USP39: variants seen among roughly 807,000 people sequenced by gnomAD.
The protein encoded by USP39 is ubiquitin specific peptidase 39, also known as ubiquitin carboxyl-terminal hydrolase 39.
A neutral mutation model predicts 66.4 loss-of-function variants in USP39; 38 were observed. The ratio of observed to expected loss-of-function variants is 0.57; its 90% CI spans 0.44 to 0.75. The LOEUF is 0.75. Among genes scored for constraint, USP39 ranks in the 30% least tolerant of loss-of-function variants. The probability of loss-of-function intolerance (pLI) is 0.00; values close to 1 mark genes in which losing one functional copy is unlikely to be tolerated. For synonymous variants in USP39, 303 were observed against 274.6 expected, an observed-to-expected ratio of 1.10 and a Z score of -1.02; for missense variants, 608 against 714.4, an observed-to-expected ratio of 0.85 and a Z score of 1.70.
intron 2 of USP39, 114 bp from the exon 3 acceptor site, chr2:85,621,371 A>G (rs370836756): frequency 3.6e-6 from 3 of 829,558 alleles, no homozygotes; most frequent in East Asian, 2.6e-5. Context: ...ATGGTTGTGA[A>G]CTGTTTTCTG....
chr2:85,608,173 G>C (rs918694477), upstream of USP39: 11 of 152,224 alleles, frequency 7.2e-5, no homozygotes, highest in Admixed American at 5.2e-4. Flanking sequence ...AGGTTTTGCT[G>C]TAAGAAATCT....
upstream of USP39, chr2:85,611,824 C>T (rs748090010): frequency 1.2e-6 from 2 of 1,606,982 alleles, no homozygotes; most frequent in Non-Finnish European, 8.5e-7. Flanking sequence ...ACTGTCGGGC[C>T]GGGCCAGGCC....
chr2:85,613,089 G>C (rs1194588451), upstream of USP39, among the ~76,000 whole-genome samples: 3 of 152,078 alleles, frequency 2.0e-5, no homozygotes, highest in Non-Finnish European at 4.4e-5. Context: ...GCTGGATGCA[G>C]TGGCTCATGT....
intron 3 of USP39, 60 bp downstream of exon 3, chr2:85,621,639 T>TA: frequency 1.2e-6 from 1 of 803,376 alleles, no homozygotes; most frequent in Non-Finnish European, 1.9e-6. Context: ...TTTTTTTTTT[T>TA]AAAGAAAGTA....
At position 85,619,437 on chromosome 2, in the gene USP39, A is replaced by G. The variant is rs1674279995; in HGVS notation, c.338+148A>G. On this transcript the variant is annotated intron_variant, in intron 2 of 12. Transcript: ENST00000323701. ...TGTGCTTCTTGCCATGTTACTCCTT[A>G]TTCTTTGATTTAAAGTGTCAGAACA... The G allele has an allele frequency of 5.2e-6, 4 of 767,502 alleles. No individual in the cohort carries two copies. The Admixed American group carries it at 1.1e-4, about 21-fold the overall frequency. The allele number at this position is 767,502 out of a possible 1,614,324, so 47.5% of individuals were successfully genotyped here.
chr2:85,637,976 C>T (rs774142604), intron 8 of USP39, among the ~76,000 whole-genome samples: 1 of 151,920 alleles, frequency 6.6e-6, no homozygotes, highest in Non-Finnish European at 1.5e-5. Context: ...GGATTACAGG[C>T]GTGAGTCACC....
chr2:85,625,195 C>T lies in USP39; in HGVS notation c.571-344C>T, dbSNP rs565576745. On this transcript the variant is annotated intron_variant, in intron 4 of 12. Coordinates refer to ENST00000323701, the MANE Select transcript of USP39 (RefSeq NM_006590.4). ...CCTGCTCCAAAGCTAGGTCCATGTG[C>T]TGCTCCCAGGAGGTTCTATCTGAGA... 1.8e-3 allele frequency among the ~76,000 whole-genome samples: 278 copies of T among 152,292 alleles called. 1 individual carries two copies. The highest frequency in any genetic ancestry group is 1.8e-3 in the Admixed American group (27 of 15,282).
chr2:85,615,168 G>A (rs372671269), upstream of USP39, among the ~76,000 whole-genome samples: 4 of 152,046 alleles, frequency 2.6e-5, no homozygotes, highest in Admixed American at 1.3e-4. Context: ...TAACAGGCTC[G>A]TGCCACCACG....
At chr2:85,620,107 C>G (rs1674344435) in intron 2 of USP39, among the ~76,000 whole-genome samples, 1 of 151,724 alleles carries the variant, frequency 6.6e-6, no homozygotes. Context: ...ATCCACCTGC[C>G]TTGGCCTCCC....
rs550583102 is a variant in USP39 at position 85,623,895 on chromosome 2, G to T, written c.570+113G>T. 1.2e-4 allele frequency: 143 copies of T among 1,222,128 alleles called. 1 individual carries two copies. The African/African-American group carries it at 2.0e-3, about 18-fold the overall frequency. The allele number at this position is 1,222,128 out of a possible 1,614,324, so 75.7% of individuals were successfully genotyped here. A position where few individuals can be genotyped will look rare whatever the true frequency, so the allele number is the denominator to read the frequency against. On this transcript the variant is annotated intron_variant, in intron 4 of 12. Coordinates refer to ENST00000323701, the MANE Select transcript of USP39 (RefSeq NM_006590.4). The stretch of plus-strand genomic sequence containing the variant: ...AAGAATCTCAGTCCCTTTAGGCATC[G>T]AGAGGCTGCTTTCTCTTTTGGGAAG...
intron 2 of USP39, 128 bp downstream of exon 2, chr2:85,619,417 T>A: frequency 1.1e-6 from 1 of 885,506 alleles, no homozygotes; most frequent in Non-Finnish European, 1.7e-6. Flanking sequence ...AGAGTTGTGC[T>A]TCTTGCCATG....
Position 85,621,433 on chromosome 2 carries a change from G to T in USP39, c.339-52G>T, listed in dbSNP as rs114899241. On this transcript the variant is annotated intron_variant, in intron 2 of 12. Transcript: ENST00000323701. ...ACAGAGCCAGCACTGCTTCATTTGC[G>T]TGCCTTCCTACATGTCCATCCTATT... 10,116 of 1,518,360 alleles carry T rather than the reference G, an allele frequency of 6.7e-3. 126 individuals carry two copies. Among genetic ancestry groups the T allele is most frequent in the African/African-American group, 0.044 (3,181 of 72,992 alleles). The allele number at this position is 1,518,360 out of a possible 1,614,324, so 94.1% of individuals were successfully genotyped here.
chr2:85,619,237 G>A lies in USP39; in HGVS notation c.286G>A (p.Asp96Asn). Residue 96 changes from aspartate (D) to asparagine (N), a missense_variant, in exon 2 of 13, where the codon GAT (aspartate) becomes AAT (asparagine). Physicochemically the swap from Asp to Asn is conservative, Grantham distance 23. Transcript: ENST00000323701. ...CCTTTCAGCAAAGAATGGCCGAGTG[G>A]ATTCTGAGGACCGGAGGAGCCGCCA... ...REVRAKNGRV[D>N]SEDRRSRHCP... 1 of 1,613,896 alleles carries A rather than the reference G, an allele frequency of 6.2e-7. No homozygotes were observed. Among genetic ancestry groups the A allele is most frequent in the Non-Finnish European group, 8.5e-7 (1 of 1,179,962 alleles).
In USP39 at chr2:85,636,060, C is replaced by T. The variant is rs369995348; in HGVS notation, c.957C>T (p.Gly319=). ...CCCTTCCTTTTTTTCCAGGAGATGG[C>T]GTTGACTTTCTGTCTTGGTTTCTGA... is the stretch of plus-strand genomic sequence containing the variant. The part of the protein sequence containing the change: ...KTFQITKQGD[G]VDFLSWFLNA... The change falls in exon 7 of 13, where the codon GGC becomes GGT. Residue 319 remains glycine, a synonymous_variant. Transcript: ENST00000323701. 4.6e-5 allele frequency: 75 copies of T among 1,613,940 alleles called. 1 individual carries two copies. Among genetic ancestry groups the T allele is most frequent in the African/African-American group, 9.3e-5 (7 of 74,886 alleles).
chr2:85,630,632 A>G lies in USP39; in HGVS notation c.724-89A>G, dbSNP rs371360193. The G allele has an allele frequency of 6.2e-4, 821 of 1,316,638 alleles. 7 individuals are homozygous for G. In the South Asian group the frequency reaches 8.2e-3, roughly 13 times the overall value. 81.6% of individuals were successfully genotyped at this position (1,316,638 alleles called of 1,614,324 possible). A position where few individuals can be genotyped will look rare whatever the true frequency, so the allele number is the denominator to read the frequency against. On this transcript the variant is annotated intron_variant, in intron 5 of 12. Coordinates refer to ENST00000323701, the MANE Select transcript of USP39 (RefSeq NM_006590.4). ...TTAAGGCCATCACAGGCACATCACAAATTCTATTAGGAGAACTTTAATTGG... is the reference window on the plus strand; with the variant it reads ...TTAAGGCCATCACAGGCACATCACAGATTCTATTAGGAGAACTTTAATTGG...
chr2:85,622,155 C>G (rs1197812426), intron 3 of USP39, among the ~76,000 whole-genome samples: 1 of 150,172 alleles, frequency 6.7e-6, no homozygotes, highest in Non-Finnish European at 1.5e-5. Context: ...GAGTCTCACT[C>G]TGTCACCCAG....
In USP39 at chr2:85,639,232, T is replaced by A; in HGVS notation, c.1125T>A (p.His375Gln). ...CAGAAGAAAAAGAGCAGTTGCTCCA[T>A]AATGACGAGTACCAGGAGACAATGG... ...LPAEEKEQLLHNDEYQETMVE... is the reference protein window; with the variant it reads ...LPAEEKEQLLQNDEYQETMVE... Residue 375 changes from histidine (H) to glutamine (Q), a missense_variant, in exon 9 of 13, where the codon CAT (histidine) becomes CAA (glutamine). Physicochemically the swap from His to Gln is conservative, Grantham distance 24 (BLOSUM62 0). This residue lies in a region of USP39 where 164 missense variants were observed against 250.3 expected (regional missense o/e 0.66). Coordinates refer to ENST00000323701, the MANE Select transcript of USP39 (RefSeq NM_006590.4). 6.2e-7 allele frequency: 1 copy of A among 1,613,338 alleles called. No individual in the cohort carries two copies. The highest frequency in any genetic ancestry group is 1.1e-5 in the South Asian group (1 of 90,908).
At chr2:85,646,876 C>A (rs1676682531) in intron 11 of USP39, among the ~76,000 whole-genome samples, 1 of 148,042 alleles carries the variant, frequency 6.8e-6, no homozygotes, top group Non-Finnish European at 1.5e-5. Flanking sequence ...TTCTTGATGA[C>A]CTGTTGCTTT....
intron 5 of USP39, among the ~76,000 whole-genome samples, chr2:85,628,308 G>A (rs1163445032): frequency 6.6e-6 from 1 of 152,042 alleles, no homozygotes; most frequent in Non-Finnish European, 1.5e-5. Flanking sequence ...ACCATGCCTA[G>A]CTAATTTTTT....
Sources: allele counts gnomAD v4.1 joint callset (sites outside exome capture counted in the v4.1 genomes callset), GRCh38; gene constraint gnomAD v4.1.1; regional missense constraint gnomAD v4.1.1; transcripts MANE v1.5; gene names NCBI Gene and HGNC (gene_info 2026-07-23, HGNC 2026-07-21).